ERCC8: variants seen among roughly 807,000 people sequenced by gnomAD.
ERCC8 encodes ERCC excision repair 8, CSA ubiquitin ligase complex subunit.
ERCC8 carries 52 observed loss-of-function variants against 54.9 expected under a neutral mutation model. The observed-to-expected ratio is 0.95, with a 90% CI of 0.76 to 1.19. The LOEUF (loss-of-function observed/expected upper bound fraction) is 1.19, where lower values mean the gene tolerates loss of function less well. Among genes scored for constraint, ERCC8 ranks in the 50% most tolerant of loss-of-function variants. ERCC8 has a pLI of 0.00. For missense variants in ERCC8, 514 were observed against 466.1 expected, an observed-to-expected ratio of 1.10 and a Z score of -0.95; for synonymous variants, 146 against 157.2, an observed-to-expected ratio of 0.93 and a Z score of 0.53.
chr5:60,876,244 A>T (rs368874320), intron 11 of ERCC8, among the ~76,000 whole-genome samples: 1 of 152,226 alleles, frequency 6.6e-6, no homozygotes, highest in Admixed American at 6.5e-5. Context: ...ATTCCATGGT[A>T]TATATGTGCC....
At chr5:60,934,187 T>C (rs1749996469) in intron 1 of ERCC8, among the ~76,000 whole-genome samples, 1 of 152,218 alleles carries the variant, frequency 6.6e-6, no homozygotes, top group African/African-American at 2.4e-5. Flanking sequence ...GTGGTACTAG[T>C]TGACATTCCC....
rs1345135742 is a variant in ERCC8, at chr5:60,871,524, G to A, written c.*3091C>T. On this transcript the variant is annotated 3_prime_UTR_variant, in exon 12 of 12. Transcript: ENST00000676185. ...GGTACTAATGTGGAAAGAGAGGGGT[G>A]TTTATAACAACAGCTTGTTGAACAT... Among the ~76,000 whole-genome samples the A allele has an allele frequency of 1.3e-5, 2 of 152,124 alleles. No individual in the cohort carries two copies. The highest frequency in any genetic ancestry group is 4.8e-5 in the African/African-American group (2 of 41,436).
chr5:60,883,182 C>G (rs1009768124), intron 11 of ERCC8, among the ~76,000 whole-genome samples: 9 of 152,120 alleles, frequency 5.9e-5, no homozygotes, highest in African/African-American at 2.2e-4. Context: ...AAATGAAAAT[C>G]ATAATCAGTT....
intron 9 of ERCC8, among the ~76,000 whole-genome samples, chr5:60,896,146 C>T (rs909898614): frequency 2.6e-5 from 4 of 151,364 alleles, no homozygotes; most frequent in Non-Finnish European, 4.4e-5. Context: ...CCACCATGCC[C>T]GGCTAATTTT....
In ERCC8 at chr5:60,873,107, T is replaced by C. The variant is rs1268987111; in HGVS notation, c.*1508A>G. 6.6e-6 allele frequency among the ~76,000 whole-genome samples: 1 copy of C among 152,138 alleles called. No individual in the cohort carries two copies. The highest frequency in any genetic ancestry group is 2.4e-5 in the African/African-American group (1 of 41,422). On this transcript the variant is annotated 3_prime_UTR_variant, in exon 12 of 12. Transcript: ENST00000676185. ...GACCTATTGCACAACATAGTAACTA[T>C]AGTTACAATTACAAGATTACTATTA... is the stretch of plus-strand genomic sequence containing the variant.
intron 11 of ERCC8, among the ~76,000 whole-genome samples, chr5:60,875,542 T>A (rs2112453094): frequency 6.6e-6 from 1 of 152,340 alleles, no homozygotes; most frequent in South Asian, 2.1e-4. Flanking sequence ...ATGGTCTCAT[T>A]GTTAAAGTAA....
chr5:60,932,255 C>A, intron 1 of ERCC8: 1 of 152,286 alleles, frequency 6.6e-6, no homozygotes. Context: ...GTTAACATAG[C>A]AGGCCTGAGA....
intron 4 of ERCC8, among the ~76,000 whole-genome samples, chr5:60,914,611 G>C (rs774720177): frequency 4.0e-5 from 6 of 151,720 alleles, no homozygotes; most frequent in Non-Finnish European, 8.8e-5. Flanking sequence ...GCAAGACAGA[G>C]AGACACTGCC....
At chr5:60,880,562 TTC>T (rs1036668790) in intron 11 of ERCC8, among the ~76,000 whole-genome samples, 6 of 152,156 alleles carry the variant, frequency 3.9e-5, no homozygotes, top group African/African-American at 1.4e-4. Flanking sequence ...CTTTGTTCAT[TTC>T]TTTTTATTCT....
Position 60,902,518 on chromosome 5 carries a change from C to A in ERCC8, c.551-10G>T, listed in dbSNP as rs758296965. 7.5e-6 allele frequency: 12 copies of A among 1,606,256 alleles called. No homozygotes were observed. The highest frequency in any genetic ancestry group is 9.4e-6 in the Non-Finnish European group (11 of 1,173,292). ...ATTTCTTGTCTGTGACCTGCAAATA[C>A]AACTATATGAAAAGTCTTGCAAGAT... On this transcript the variant is annotated splice_polypyrimidine_tract_variant and intron_variant, in intron 6 of 11. Coordinates refer to ENST00000676185, the MANE Select transcript of ERCC8 (RefSeq NM_000082.4).
chr5:60,921,753 T>C (rs1749606157), intron 3 of ERCC8, among the ~76,000 whole-genome samples: 2 of 151,892 alleles, frequency 1.3e-5, no homozygotes, highest in African/African-American at 4.8e-5. Context: ...AAAACTCTAA[T>C]TAGTTACTGA....
At chr5:60,934,273 T>C (rs188824309) in intron 1 of ERCC8, among the ~76,000 whole-genome samples, 151 of 152,288 alleles carry the variant, frequency 9.9e-4, no homozygotes, top group Admixed American at 2.5e-3. Flanking sequence ...TTGATTATGG[T>C]CATTCTTGCA....
chr5:60,896,060 C>T (rs1748715699), intron 9 of ERCC8, among the ~76,000 whole-genome samples: 1 of 152,144 alleles, frequency 6.6e-6, no homozygotes, highest in Admixed American at 6.5e-5. Flanking sequence ...GCTCTCGGCT[C>T]ACCGCAACCT....
intron 9 of ERCC8, 96 bp from the exon 10 acceptor site, chr5:60,891,182 A>C (rs1353249312): frequency 1.4e-5 from 12 of 834,630 alleles, no homozygotes; most frequent in Non-Finnish European, 2.3e-5. Context: ...ATGCTATAAA[A>C]AGGGCTCTTT....
chr5:60,876,166 G>A (rs966599102), intron 11 of ERCC8, among the ~76,000 whole-genome samples: 1 of 152,130 alleles, frequency 6.6e-6, no homozygotes, highest in African/African-American at 2.4e-5. Context: ...TGTTGAGAAT[G>A]ATGGTTTCCA....
intron 11 of ERCC8, among the ~76,000 whole-genome samples, chr5:60,877,618 T>G (rs1748055178): frequency 6.6e-6 from 1 of 152,318 alleles, no homozygotes; most frequent in East Asian, 1.9e-4. Flanking sequence ...TTCCTAGGTA[T>G]TTTAATCTCT....
chr5:60,908,411 T>A (rs1392198938), intron 4 of ERCC8, among the ~76,000 whole-genome samples: 2 of 151,946 alleles, frequency 1.3e-5, no homozygotes, highest in African/African-American at 4.8e-5. Context: ...TCCTGGATTA[T>A]CTTCATTTGG....
At position 60,866,688 on chromosome 5, in the gene ERCC8, C is replaced by T. The variant is rs1382895801; in HGVS notation, c.*7927G>A. 1 of 152,194 alleles carries T rather than the reference C, an allele frequency of 6.6e-6. No homozygotes were observed. Among genetic ancestry groups the T allele is most frequent in the Non-Finnish European group, 1.5e-5 (1 of 68,038 alleles). The allele number at this position is 152,194 out of a possible 1,614,324, so 9.4% of individuals were successfully genotyped here. ...AATTCATAAAACTTTTATAATGACA[C>T]TCTACCTCTGCCTTCAATGAACTTT... On this transcript the variant is annotated 3_prime_UTR_variant, in exon 12 of 12. Coordinates refer to ENST00000676185, the MANE Select transcript of ERCC8 (RefSeq NM_000082.4).
At chr5:60,910,747 T>C (rs1349476923) in intron 4 of ERCC8, among the ~76,000 whole-genome samples, 11 of 152,310 alleles carry the variant, frequency 7.2e-5, no homozygotes, top group Admixed American at 2.0e-4. Flanking sequence ...AATTTACTTA[T>C]ATTAATTCTA....
Sources: allele counts gnomAD v4.1 joint callset (sites outside exome capture counted in the v4.1 genomes callset), GRCh38; gene constraint gnomAD v4.1.1; transcripts MANE v1.5; gene names NCBI Gene and HGNC (gene_info 2026-07-23, HGNC 2026-07-21).